DNAJC5: variants seen among roughly 807,000 people sequenced by gnomAD.
The protein encoded by DNAJC5 is dnaJ homolog subfamily C member 5.
A neutral mutation model predicts 23.2 loss-of-function variants in DNAJC5; 1 was observed. The observed-to-expected ratio is 0.04, with a 90% CI of 0.02 to 0.20. The LOEUF (loss-of-function observed/expected upper bound fraction) is 0.20, where lower values mean the gene tolerates loss of function less well. Ranked by LOEUF, DNAJC5 falls within the 10% of genes least tolerant of loss-of-function variation. The pLI is 1.00. For synonymous variants in DNAJC5, 136 were observed against 120.0 expected, an observed-to-expected ratio of 1.13 and a Z score of -0.87; for missense variants, 180 against 267.0, an observed-to-expected ratio of 0.67 and a Z score of 2.27.
Position 63,915,723 on chromosome 20 carries a change from C to T in DNAJC5, c.-11-12612C>T, listed in dbSNP as rs141655217. 5.2e-4 allele frequency among the ~76,000 whole-genome samples: 79 copies of T among 152,332 alleles called. 1 individual carries two copies. The highest frequency in any genetic ancestry group is 1.7e-3 in the African/African-American group (72 of 41,574). ...AGTCCTCAGAGAGCAGTTGGCACAC[C>T]GCCTCAGGCTGAGCCTGCCCATTCT... On this transcript the variant is annotated intron_variant, in intron 1 of 4. Coordinates refer to ENST00000360864, the MANE Select transcript of DNAJC5 (RefSeq NM_025219.3).
rs1278574376 is a variant in DNAJC5, at chr20:63,902,415, G to T, written c.-12+7092G>T. Reference sequence around the variant, plus strand: ...AGTTTCACTCTTGTTTCCCAGGCTGGTGGAGTGCAACGGTGTGATCTTGGC... The same window carrying T: ...AGTTTCACTCTTGTTTCCCAGGCTGTTGGAGTGCAACGGTGTGATCTTGGC... On this transcript the variant is annotated intron_variant, in intron 1 of 4. Coordinates refer to ENST00000360864, the MANE Select transcript of DNAJC5 (RefSeq NM_025219.3). Among the ~76,000 whole-genome samples the T allele has an allele frequency of 3.6e-4, 49 of 136,996 alleles. 2 individuals are homozygous for T. Among genetic ancestry groups the T allele is most frequent in the Non-Finnish European group, 7.7e-5 (5 of 64,860 alleles). The allele number at this position is 136,996 out of a possible 152,430, so 89.9% of individuals were successfully genotyped here. A position where few individuals can be genotyped will look rare whatever the true frequency, so the allele number is the denominator to read the frequency against.
At chr20:63,916,819 G>T (rs554530524) in intron 1 of DNAJC5, among the ~76,000 whole-genome samples, 6 of 152,278 alleles carry the variant, frequency 3.9e-5, no homozygotes, top group African/African-American at 1.2e-4. Context: ...GCTAGGAAAA[G>T]AATTTAGTGA....
chr20:63,919,777 C>T lies in DNAJC5; in HGVS notation c.-11-8558C>T, dbSNP rs376672499. 11 of 326,324 alleles carry T rather than the reference C, an allele frequency of 3.4e-5. 1 individual carries two copies. The highest frequency in any genetic ancestry group is 7.0e-5 in the South Asian group (4 of 56,848). The allele number at this position is 326,324 out of a possible 1,614,324, so 20.2% of individuals were successfully genotyped here. On this transcript the variant is annotated intron_variant, in intron 1 of 4. Coordinates refer to ENST00000360864, the MANE Select transcript of DNAJC5 (RefSeq NM_025219.3). Reference sequence around the variant, plus strand: ...GCTGTGTGCACATGTGCCCAGGGCCCGGGACAGCGCCACGGAAGAGGACGC... The same window carrying T: ...GCTGTGTGCACATGTGCCCAGGGCCTGGGACAGCGCCACGGAAGAGGACGC...
In DNAJC5 at chr20:63,933,147, T is replaced by C. The variant is rs1156803231; in HGVS notation, c.*1579T>C. On this transcript the variant is annotated 3_prime_UTR_variant, in exon 5 of 5. Coordinates refer to ENST00000360864, the MANE Select transcript of DNAJC5 (RefSeq NM_025219.3). ...AGATAAAGCTGAGGAGGAGGCTGTG[T>C]GTGATGGCTCTGGCTCGGACCAACC... 1.3e-5 allele frequency: 2 copies of C among 152,438 alleles called. No individual in the cohort carries two copies. Among genetic ancestry groups the C allele is most frequent in the Non-Finnish European group, 2.9e-5 (2 of 68,134 alleles). 9.4% of individuals were successfully genotyped at this position (152,438 alleles called of 1,614,324 possible).
In DNAJC5 at chr20:63,920,905, G is replaced by A. The variant is rs2053565792; in HGVS notation, c.-11-7430G>A. Among the ~76,000 whole-genome samples the A allele has an allele frequency of 6.6e-6, 1 of 151,938 alleles. No individual in the cohort carries two copies. Among genetic ancestry groups the A allele is most frequent in the South Asian group, 2.1e-4 (1 of 4,806 alleles). On this transcript the variant is annotated intron_variant, in intron 1 of 4. Transcript: ENST00000360864. The surrounding 1 kb of genome is among the most constrained non-coding windows in gnomAD (Gnocchi z 4.6). ...TTGGTCAGGCTGGTCTCGAACTCCT[G>A]GCCACAAGAAGCAATCCACCTGCCT...
In DNAJC5 at chr20:63,920,413, A is replaced by C. The variant is rs1469301080; in HGVS notation, c.-11-7922A>C. On this transcript the variant is annotated intron_variant, in intron 1 of 4. Coordinates refer to ENST00000360864, the MANE Select transcript of DNAJC5 (RefSeq NM_025219.3). The surrounding 1 kb of genome is among the most constrained non-coding windows in gnomAD (Gnocchi z 4.6). ...GCGTCAGCAGGGCTCTCGTCCGCCA[A>C]CGTCTGGTGGGGATGCCCGCCATGC... Among the ~76,000 whole-genome samples, 2 of 146,486 alleles carry C rather than the reference A, an allele frequency of 1.4e-5. No homozygotes were observed. Among genetic ancestry groups the C allele is most frequent in the Non-Finnish European group, 3.0e-5 (2 of 67,516 alleles).
rs2053703299 is a variant in DNAJC5, at chr20:63,934,690, A to G, written c.*3122A>G. On this transcript the variant is annotated 3_prime_UTR_variant, in exon 5 of 5. Transcript: ENST00000360864. The stretch of plus-strand genomic sequence containing the variant: ...TGTTTGTGAACTTTCCTAGTTCTCT[A>G]TGTTGTTAGTGCAGCCAGCACCCAG... The G allele has an allele frequency of 6.6e-6, 1 of 152,168 alleles. No homozygotes were observed. The highest frequency in any genetic ancestry group is 1.5e-5 in the Non-Finnish European group (1 of 68,024). 9.4% of individuals were successfully genotyped at this position (152,168 alleles called of 1,614,324 possible).
intron 1 of DNAJC5, among the ~76,000 whole-genome samples, chr20:63,900,914 T>C (rs1002505255): frequency 1.3e-5 from 2 of 152,230 alleles, no homozygotes; most frequent in Non-Finnish European, 2.9e-5. Context: ...GAAATAATCA[T>C]TTACGAGGTG....
intron 1 of DNAJC5, among the ~76,000 whole-genome samples, chr20:63,902,580 C>T (rs908589137): frequency 6.7e-6 from 1 of 149,318 alleles, no homozygotes; most frequent in Non-Finnish European, 1.5e-5. Flanking sequence ...GTTGGTCAGG[C>T]TGGTCTCGAC....
chr20:63,925,700 A>G (rs1439847880), intron 1 of DNAJC5, among the ~76,000 whole-genome samples: 3 of 148,750 alleles, frequency 2.0e-5, no homozygotes, highest in East Asian at 4.0e-4. Context: ...TCCTGCCAGT[A>G]TCACCGAGAT....
chr20:63,931,586 G>A lies in DNAJC5; in HGVS notation c.*18G>A, dbSNP rs1057523397. The A allele has an allele frequency of 6.5e-7, 1 of 1,545,968 alleles. No homozygotes were observed. Among genetic ancestry groups the A allele is most frequent in the Non-Finnish European group, 8.7e-7 (1 of 1,148,702 alleles). On this transcript the variant is annotated 3_prime_UTR_variant, in exon 5 of 5. Transcript: ENST00000360864. This position sits in a 1 kb window ranked among gnomAD's most constrained non-coding sequence, Gnocchi z 9.6. ...TCAACTAAATCCAGGAGGAGCTGTG[G>A]TCAGAGGAGGAGCCGGCGCCTGGCC...
chr20:63,927,500 A>G (rs1367017077), intron 1 of DNAJC5, among the ~76,000 whole-genome samples: 2 of 151,756 alleles, frequency 1.3e-5, no homozygotes, highest in South Asian at 2.1e-4. Context: ...AGATCGTGCC[A>G]TTGCACTCCA....
rs2053662311 is a variant in DNAJC5, at chr20:63,930,781, T to C, written c.322-70T>C. Reference sequence around the variant, plus strand: ...CACCCCCTGCCTTCTGCTGAGGGCATTTGGGAGTCCTGCGCCTCCCTCTCC... The same window carrying C: ...CACCCCCTGCCTTCTGCTGAGGGCACTTGGGAGTCCTGCGCCTCCCTCTCC... On this transcript the variant is annotated intron_variant, in intron 3 of 4. Transcript: ENST00000360864. The C allele has an allele frequency of 3.1e-6, 5 of 1,606,702 alleles. No homozygotes were observed. In the South Asian group the frequency reaches 5.5e-5, roughly 18 times the overall value.
In DNAJC5 at chr20:63,920,198, G is replaced by A. The variant is rs1020037730; in HGVS notation, c.-11-8137G>A. Among the ~76,000 whole-genome samples, 2 of 152,272 alleles carry A rather than the reference G, an allele frequency of 1.3e-5. No homozygotes were observed. The highest frequency in any genetic ancestry group is 4.8e-5 in the African/African-American group (2 of 41,484). ...TGTGTGGCAGGGGAGGTTCCCAAGAGCAGGCTCAGGGCTCTGGGGTCTGAG... is the reference window on the plus strand; with the variant it reads ...TGTGTGGCAGGGGAGGTTCCCAAGAACAGGCTCAGGGCTCTGGGGTCTGAG... On this transcript the variant is annotated intron_variant, in intron 1 of 4. Transcript: ENST00000360864. This position sits in a 1 kb window ranked among gnomAD's most constrained non-coding sequence, Gnocchi z 4.6.
chr20:63,924,463 T>G (rs1014776852), intron 1 of DNAJC5, among the ~76,000 whole-genome samples: 1 of 152,246 alleles, frequency 6.6e-6, no homozygotes, highest in African/African-American at 2.4e-5. Flanking sequence ...CATGGCTCAC[T>G]GCAGCCTCGA....
At chr20:63,899,876 T>G (rs375080183) in intron 1 of DNAJC5, among the ~76,000 whole-genome samples, 249 of 123,550 alleles carry the variant, frequency 2.0e-3, no homozygotes, top group African/African-American at 7.8e-3. Flanking sequence ...CCACTGCGCC[T>G]GGGCTTTTTT....
At chr20:63,914,450 G>A (rs920195353) in intron 1 of DNAJC5, among the ~76,000 whole-genome samples, 6 of 151,908 alleles carry the variant, frequency 3.9e-5, no homozygotes, top group African/African-American at 1.5e-4. Flanking sequence ...GAGTCGCTGG[G>A]ACTACAGGCG....
chr20:63,918,245 G>A (rs573761814), intron 1 of DNAJC5, among the ~76,000 whole-genome samples: 2 of 152,264 alleles, frequency 1.3e-5, no homozygotes, highest in South Asian at 2.1e-4. Context: ...AGCCAGGCAC[G>A]ATGCTGTGTG....
In DNAJC5 at chr20:63,895,665, C is replaced by T. The variant is rs566418339; in HGVS notation, c.-12+342C>T. Among the ~76,000 whole-genome samples the T allele has an allele frequency of 6.6e-5, 10 of 151,936 alleles. No homozygotes were observed. The South Asian group carries it at 2.1e-3, about 32-fold the overall frequency. On this transcript the variant is annotated intron_variant, in intron 1 of 4. Coordinates refer to ENST00000360864, the MANE Select transcript of DNAJC5 (RefSeq NM_025219.3). ...CAGGTCCCCGCGGCCGCCCCCAACC[C>T]CCCGGGGTCTCCTCTCCTGCGGGGG...
Sources: gnomAD v4.1 joint callset for allele counts (sites outside exome capture counted in the v4.1 genomes callset) on GRCh38, gnomAD v4.1.1 for gene constraint, Gnocchi (gnomAD v3.1) non-coding constraint, MANE v1.5 for transcripts, NCBI Gene and HGNC (gene_info 2026-07-23, HGNC 2026-07-21) for gene names.